Variants in BAIAP2L2 observed in about 807,000 individuals in gnomAD.
The protein encoded by BAIAP2L2 is BAR/IMD domain-containing adapter protein 2-like 2.
A neutral mutation model predicts 60.4 loss-of-function variants in BAIAP2L2; 65 were observed. That is an observed-to-expected ratio of 1.08 (90% confidence interval 0.88 to 1.32). The LOEUF is 1.32. Among genes scored for constraint, BAIAP2L2 ranks in the 40% most tolerant of loss-of-function variants. The pLI is 0.00. For missense variants in BAIAP2L2, 836 were observed against 741.2 expected (o/e 1.13, Z -1.48); for synonymous variants, 344 against 301.7 (o/e 1.14, Z -1.45).
intron 12 of BAIAP2L2, 43 bp from the exon 13 acceptor site, chr22:38,085,775 G>A (rs1569213826): frequency 2.0e-6 from 3 of 1,525,702 alleles, no homozygotes; most frequent in East Asian, 2.3e-5. Flanking sequence ...GGGGAGAGGG[G>A]CAAGCAATCC....
In BAIAP2L2 at chr22:38,089,508, G is replaced by A. The variant is rs1372589502; in HGVS notation, c.765+14C>T. 6 of 1,199,626 alleles carry A rather than the reference G, an allele frequency of 5.0e-6. No individual in the cohort carries two copies. Among genetic ancestry groups the A allele is most frequent in the Non-Finnish European group, 6.2e-6 (6 of 966,858 alleles). 74.3% of individuals were successfully genotyped at this position (1,199,626 alleles called of 1,614,324 possible). The stretch of plus-strand genomic sequence containing the variant: ...CGGGGGCGCGAACGGCGGCGGGGGC[G>A]CCCAGGGCCTCACCATGTCCAGGCA... On this transcript the variant is annotated intron_variant, in intron 8 of 13. Transcript: ENST00000381669.
intron 1 of BAIAP2L2, 131 bp downstream of exon 1, chr22:38,110,344 C>T: frequency 1.0e-6 from 1 of 952,802 alleles, no homozygotes; most frequent in Non-Finnish European, 1.6e-6. Flanking sequence ...CACCCCTGGC[C>T]CAGCCTGGCT....
At chr22:38,089,368 C>T (rs1311707421) in intron 8 of BAIAP2L2, 137 bp from the exon 9 acceptor site, 1 of 563,394 alleles carries the variant, frequency 1.8e-6, no homozygotes. Flanking sequence ...CACGGGGGCG[C>T]GGAGAACGCG....
intron 5 of BAIAP2L2, 78 bp downstream of exon 5, chr22:38,098,333 G>A: frequency 6.7e-7 from 1 of 1,496,820 alleles, no homozygotes; most frequent in Non-Finnish European, 9.3e-7. Flanking sequence ...GCACTGGCCT[G>A]TGTGTGCCTA....
chr22:38,106,706 T>A (rs2086672303), intron 4 of BAIAP2L2, among the ~76,000 whole-genome samples: 1 of 151,864 alleles, frequency 6.6e-6, no homozygotes, highest in African/African-American at 2.4e-5. Flanking sequence ...CCACCCCACC[T>A]CTCCCACTCA....
At position 38,088,955 on chromosome 22, in the gene BAIAP2L2, T is replaced by C; in HGVS notation, c.911A>G (p.Tyr304Cys). 6.5e-7 allele frequency: 1 copy of C among 1,527,678 alleles called. No homozygotes were observed. The highest frequency in any genetic ancestry group is 8.7e-7 in the Non-Finnish European group (1 of 1,142,924). The allele number at this position is 1,527,678 out of a possible 1,614,324, so 94.6% of individuals were successfully genotyped here. Residue 304 changes from tyrosine (Y) to cysteine (C), a missense_variant, in exon 10 of 14, where the codon TAC (tyrosine) becomes TGC (cysteine). Transcript: ENST00000381669. ...LPRTPSASSL[Y>C]SGSAQSSRSN... ...GCGCGAGCTTTGGGCGCTGCCGCTG[T>C]AGAGCGAGGCTGTGGGCGGGAGAGC...
At chr22:38,087,080 T>C in intron 11 of BAIAP2L2, 44 bp downstream of exon 11, 1 of 1,483,524 alleles carries the variant, frequency 6.7e-7, no homozygotes, top group South Asian at 1.3e-5. Context: ...GTGACACCCT[T>C]GCCGGCGTCC....
In BAIAP2L2 at chr22:38,089,212, T is replaced by G; in HGVS notation, c.785A>C (p.Glu262Ala). The change falls in exon 9 of 14, where the codon GAG becomes GCG. Residue 262 changes from glutamate (E) to alanine (A), a missense_variant. By Grantham distance (107) the Glu-to-Ala change is moderately radical. Transcript: ENST00000381669. ...CLDMPPRPLG[E>A]FSSPRSRHGS... ...GTGCCGGCTGCGGGGGGAGCTGAAC[T>G]CTCCCAGGGGCCTCGGGGGCTGCGG... is the stretch of plus-strand genomic sequence containing the variant. 2.0e-6 allele frequency: 2 copies of G among 1,003,054 alleles called. No individual in the cohort carries two copies. Among genetic ancestry groups the G allele is most frequent in the Non-Finnish European group, 1.2e-6 (1 of 845,654 alleles). 62.1% of individuals were successfully genotyped at this position (1,003,054 alleles called of 1,614,324 possible).
At chr22:38,100,199 A>G (rs563935509) in intron 4 of BAIAP2L2, among the ~76,000 whole-genome samples, 5 of 152,254 alleles carry the variant, frequency 3.3e-5, no homozygotes, top group Admixed American at 6.5e-5. Flanking sequence ...GGATCCAATC[A>G]AAAGGAAGCC....
chr22:38,085,014 A>G lies in BAIAP2L2; in HGVS notation c.*286T>C. ...CCCCACGGGGGCAGAAAAGGGGGAA[A>G]GAGGTTAGGGGGCAAGAGGTGGGCC... is the stretch of plus-strand genomic sequence containing the variant. On this transcript the variant is annotated 3_prime_UTR_variant, in exon 14 of 14. Transcript: ENST00000381669. 2.6e-6 allele frequency: 1 copy of G among 381,774 alleles called. No homozygotes were observed. Among genetic ancestry groups the G allele is most frequent in the Non-Finnish European group, 4.8e-6 (1 of 206,260 alleles). The allele number at this position is 381,774 out of a possible 1,614,324, so 23.6% of individuals were successfully genotyped here. A position where few individuals can be genotyped will look rare whatever the true frequency, so the allele number is the denominator to read the frequency against.
At chr22:38,092,932 G>C (rs1391684891) in intron 7 of BAIAP2L2, among the ~76,000 whole-genome samples, 1 of 152,048 alleles carries the variant, frequency 6.6e-6, no homozygotes, top group Non-Finnish European at 1.5e-5. Context: ...GGAGGCCGAG[G>C]TGGGTGGGTG....
rs779404687 is a variant in BAIAP2L2 at position 38,086,427 on chromosome 22, G to A, written c.1282C>T (p.His428Tyr). 6.6e-7 allele frequency: 1 copy of A among 1,524,078 alleles called. No individual in the cohort carries two copies. Among genetic ancestry groups the A allele is most frequent in the Non-Finnish European group, 8.8e-7 (1 of 1,131,132 alleles). 94.4% of individuals were successfully genotyped at this position (1,524,078 alleles called of 1,614,324 possible). A position where few individuals can be genotyped will look rare whatever the true frequency, so the allele number is the denominator to read the frequency against. Residue 428 changes from histidine to tyrosine, a missense_variant, in exon 12 of 14, where the codon CAC (histidine) becomes TAC (tyrosine). Transcript: ENST00000381669. ...CGGTCCAGGAGGTCATCGAGGCTGTGGCTGCCCCGGAGTGGGTAGGACCTA... is the reference window on the plus strand; with the variant it reads ...CGGTCCAGGAGGTCATCGAGGCTGTAGCTGCCCCGGAGTGGGTAGGACCTA... ...PSRSYPLRGS[H>Y]SLDDLLDRPG...
intron 4 of BAIAP2L2, among the ~76,000 whole-genome samples, chr22:38,099,808 C>T (rs2086527458): frequency 6.6e-6 from 1 of 152,226 alleles, no homozygotes; most frequent in African/African-American, 2.4e-5. Flanking sequence ...TCCACACACC[C>T]TTTTCCCACA....
Position 38,097,186 on chromosome 22 carries a change from G to A in BAIAP2L2, c.466-8C>T, listed in dbSNP as rs2086456306. 1 of 1,610,220 alleles carries A rather than the reference G, an allele frequency of 6.2e-7. No homozygotes were observed. Among genetic ancestry groups the A allele is most frequent in the East Asian group, 2.2e-5 (1 of 44,782 alleles). On this transcript the variant is annotated splice_region_variant and splice_polypyrimidine_tract_variant and intron_variant, in intron 6 of 13. Transcript: ENST00000381669. ...CAGCCGGTTCACACTCTCCTGGGGG[G>A]GAACGGGAGTTCTGGCTGGGGGCGG...
At chr22:38,107,957 G>GCCCCC in intron 3 of BAIAP2L2, 44 bp from the exon 4 acceptor site, 2 of 1,582,244 alleles carry the variant, frequency 1.3e-6, no homozygotes, top group Non-Finnish European at 8.7e-7. Flanking sequence ...GTGGCAGCCT[G>GCCCCC]CCCCGCCCAC....
At position 38,093,979 on chromosome 22, in the gene BAIAP2L2, G is replaced by A. The variant is rs1465998084; in HGVS notation, c.612+3053C>T. Reference sequence around the variant, plus strand: ...GCTAACATCTGAGTAAATACATCGAGTAAACGAGTAAATACAATGTGGTGT... The same window carrying A: ...GCTAACATCTGAGTAAATACATCGAATAAACGAGTAAATACAATGTGGTGT... On this transcript the variant is annotated intron_variant, in intron 7 of 13. Coordinates refer to ENST00000381669, the MANE Select transcript of BAIAP2L2 (RefSeq NM_025045.6). 6.6e-6 allele frequency: 3 copies of A among 456,448 alleles called. No homozygotes were observed. The East Asian group carries it at 2.1e-4, about 32-fold the overall frequency. 28.3% of individuals were successfully genotyped at this position (456,448 alleles called of 1,614,324 possible).
intron 8 of BAIAP2L2, 32 bp from the exon 9 acceptor site, chr22:38,089,263 C>CGGGG (rs1274367926): frequency 2.9e-4 from 6 of 20,964 alleles, no homozygotes; most frequent in Middle Eastern, 0.011. Flanking sequence ...GAGGGTGGGG[C>CGGGG]GGGGGGGGGG....
In BAIAP2L2 at chr22:38,098,044, C is replaced by T. The variant is rs2086481422; in HGVS notation, c.465+19G>A. 2.6e-6 allele frequency: 4 copies of T among 1,548,164 alleles called. No individual in the cohort carries two copies. The highest frequency in any genetic ancestry group is 4.6e-5 in the East Asian group (2 of 43,502). ...CCACCCGCCCTTCCTGGCCCACCCC[C>T]GCTTCCCGGCCCTCGCACCTTCATC... On this transcript the variant is annotated intron_variant, in intron 6 of 13. Transcript: ENST00000381669.
chr22:38,091,675 C>T (rs192703369), intron 7 of BAIAP2L2: 11 of 152,042 alleles, frequency 7.2e-5, no homozygotes, highest in African/African-American at 1.4e-4. Flanking sequence ...TTGAAAAGAC[C>T]GATACATTTT....
Sources: gnomAD v4.1 joint callset for allele counts (sites outside exome capture counted in the v4.1 genomes callset) on GRCh38, gnomAD v4.1.1 for gene constraint, MANE v1.5 for transcripts, NCBI Gene and HGNC (gene_info 2026-07-23, HGNC 2026-07-21) for gene names.